Variants in LRRC4C observed in about 807,000 individuals in gnomAD.
The protein encoded by LRRC4C is leucine rich repeat containing 4C, also known as leucine-rich repeat-containing protein 4C.
In LRRC4C, 5 loss-of-function variants were observed where a neutral mutation model predicts 33.6. The observed-to-expected ratio is 0.15, with a 90% CI of 0.08 to 0.31. The LOEUF (loss-of-function observed/expected upper bound fraction) is 0.31. LRRC4C is among the 10% of genes least tolerant of loss of function. The pLI is 1.00. For missense variants in LRRC4C, 560 were observed against 796.7 expected, an observed-to-expected ratio of 0.70 and a Z score of 3.58; for synonymous variants, 329 against 302.0, an observed-to-expected ratio of 1.09 and a Z score of -0.93.
chr11:40,416,534 G>T (rs941607433), intron 3 of LRRC4C, among the ~76,000 whole-genome samples: 22 of 152,110 alleles, frequency 1.4e-4, no homozygotes, highest in Admixed American at 1.3e-4. Context: ...ACGTCATTCT[G>T]CATCTCTTGG....
chr11:40,755,683 A>T (rs981876170), intron 2 of LRRC4C, among the ~76,000 whole-genome samples: 5 of 152,060 alleles, frequency 3.3e-5, no homozygotes, highest in African/African-American at 1.2e-4. Context: ...TGCACCGAAG[A>T]GCTCCTGACA....
At chr11:41,349,180 G>T (rs1244926947) in intron 1 of LRRC4C, among the ~76,000 whole-genome samples, 1 of 152,106 alleles carries the variant, frequency 6.6e-6, no homozygotes, top group African/African-American at 2.4e-5. Flanking sequence ...CAAGGTGCTT[G>T]CCAGTGGCCA....
At chr11:41,070,748 T>C (rs7926873) in intron 1 of LRRC4C, among the ~76,000 whole-genome samples, 80,297 of 151,912 alleles carry the variant, frequency 0.53, 21,612 homozygotes, top group South Asian at 0.68. Flanking sequence ...TGACAATTAC[T>C]GAAAAGTCAA....
At chr11:40,156,331 C>G (rs745507187) in intron 5 of LRRC4C, among the ~76,000 whole-genome samples, 12 of 152,046 alleles carry the variant, frequency 7.9e-5, no homozygotes, top group Non-Finnish European at 1.3e-4. Flanking sequence ...CAACATAGTA[C>G]TAGAAGTCCT....
At chr11:40,337,433 G>C (rs1201418503) in intron 3 of LRRC4C, among the ~76,000 whole-genome samples, 2 of 152,166 alleles carry the variant, frequency 1.3e-5, no homozygotes, top group Non-Finnish European at 2.9e-5. Flanking sequence ...TATTACAGTA[G>C]CTTTGAAAAC....
rs573049011 is a variant in LRRC4C at position 40,676,023 on chromosome 11, A to T, written c.-406-27745T>A. Among the ~76,000 whole-genome samples, 4 of 152,324 alleles carry T rather than the reference A, an allele frequency of 2.6e-5. No individual in the cohort carries two copies. The South Asian group carries it at 8.3e-4, about 32-fold the overall frequency. On this transcript the variant is annotated intron_variant, in intron 2 of 6. Coordinates refer to ENST00000528697, the MANE Select transcript of LRRC4C (RefSeq NM_001258419.2). ...CCAACACAAATCCCAGGAGTTACTA[A>T]CAATTTATTCACAAAAATCAACACA... is the stretch of plus-strand genomic sequence containing the variant.
At chr11:41,273,241 T>G (rs1043861985) in intron 1 of LRRC4C, among the ~76,000 whole-genome samples, 3 of 152,100 alleles carry the variant, frequency 2.0e-5, no homozygotes, top group Admixed American at 2.0e-4. Flanking sequence ...AGAGGTTTCA[T>G]AGAACTACCG....
At chr11:40,569,564 G>A (rs2135555631) in intron 3 of LRRC4C, among the ~76,000 whole-genome samples, 1 of 151,440 alleles carries the variant, frequency 6.6e-6, no homozygotes, top group Non-Finnish European at 1.5e-5. Context: ...GAATGTTTAT[G>A]CGTGTATATA....
chr11:40,206,280 G>A (rs1001807335), intron 5 of LRRC4C, among the ~76,000 whole-genome samples: 3 of 152,040 alleles, frequency 2.0e-5, no homozygotes, highest in Admixed American at 1.3e-4. Context: ...TTGTCGCCCA[G>A]GCTGGAGTGC....
intron 3 of LRRC4C, among the ~76,000 whole-genome samples, chr11:40,488,459 A>G (rs1590891649): frequency 6.6e-6 from 1 of 151,322 alleles, no homozygotes; most frequent in East Asian, 1.9e-4. Flanking sequence ...CACTTTTTGG[A>G]TAAAGTAACA....
chr11:40,676,662 TC>T (rs1944420315), intron 2 of LRRC4C, among the ~76,000 whole-genome samples: 1 of 152,226 alleles, frequency 6.6e-6, no homozygotes, highest in African/African-American at 2.4e-5. Flanking sequence ...CTCTTCTCAG[TC>T]CTTCTTTTAG....
At chr11:40,687,099 C>T (rs1186264987) in intron 2 of LRRC4C, among the ~76,000 whole-genome samples, 1 of 152,044 alleles carries the variant, frequency 6.6e-6, no homozygotes, top group Non-Finnish European at 1.5e-5. Flanking sequence ...AATCTTGAAA[C>T]TTGTTTTTTA....
intron 3 of LRRC4C, among the ~76,000 whole-genome samples, chr11:40,456,393 C>T (rs1341163190): frequency 1.3e-5 from 2 of 151,612 alleles, no homozygotes; most frequent in African/African-American, 4.8e-5. Flanking sequence ...AATCTGATTA[C>T]CTAATTGGAC....
intron 1 of LRRC4C, among the ~76,000 whole-genome samples, chr11:41,148,069 A>T (rs926123048): frequency 6.6e-6 from 1 of 151,902 alleles, no homozygotes; most frequent in African/African-American, 2.4e-5. Flanking sequence ...CCCAGGCTGG[A>T]ATGCAGTGAC....
At chr11:40,557,372 C>T (rs1490040654) in intron 3 of LRRC4C, among the ~76,000 whole-genome samples, 1 of 152,048 alleles carries the variant, frequency 6.6e-6, no homozygotes, top group Non-Finnish European at 1.5e-5. Flanking sequence ...GAAATAATGA[C>T]AAATATCTTG....
chr11:40,687,531 T>C (rs918557102), intron 2 of LRRC4C, among the ~76,000 whole-genome samples: 2 of 152,110 alleles, frequency 1.3e-5, no homozygotes, highest in Non-Finnish European at 2.9e-5. Context: ...GCTTAATAAA[T>C]AGTATTTGAT....
intron 2 of LRRC4C, among the ~76,000 whole-genome samples, chr11:40,821,619 G>C (rs1951932301): frequency 6.6e-6 from 1 of 151,276 alleles, no homozygotes; most frequent in East Asian, 1.9e-4. Context: ...CCTAATATTT[G>C]TCTTTTACAT....
chr11:40,274,407 C>T (rs916115890), intron 4 of LRRC4C, among the ~76,000 whole-genome samples: 6 of 105,678 alleles, frequency 5.7e-5, no homozygotes, highest in South Asian at 3.0e-4. Flanking sequence ...GCTTACCCTG[C>T]GGAATAGACA....
chr11:40,244,840 A>C (rs554751053), intron 4 of LRRC4C, among the ~76,000 whole-genome samples: 7 of 152,292 alleles, frequency 4.6e-5, no homozygotes, highest in African/African-American at 1.7e-4. Flanking sequence ...AGGAACAGAT[A>C]AAATTTGACT....
Sources: gnomAD v4.1 joint callset for allele counts (sites outside exome capture counted in the v4.1 genomes callset) on GRCh38, gnomAD v4.1.1 for gene constraint, MANE v1.5 for transcripts, NCBI Gene and HGNC (gene_info 2026-07-23, HGNC 2026-07-21) for gene names.